Variants in NR3C2 observed in about 807,000 individuals in gnomAD.
The protein encoded by NR3C2 is mineralocorticoid receptor.
NR3C2 carries 15 observed loss-of-function variants against 86.4 expected under a neutral mutation model. That is an observed-to-expected ratio of 0.17 (90% confidence interval 0.12 to 0.27). The LOEUF is 0.27. Ranked by LOEUF, NR3C2 falls within the 10% of genes least tolerant of loss-of-function variation. The probability of loss-of-function intolerance (pLI) is 1.00; values close to 1 mark genes in which losing one functional copy is unlikely to be tolerated. For missense variants in NR3C2, 960 were observed against 1,195.6 expected, an observed-to-expected ratio of 0.80 and a Z score of 2.91; for synonymous variants, 458 against 450.5, an observed-to-expected ratio of 1.02 and a Z score of -0.21.
At chr4:148,266,759 T>C (rs1740416596) in intron 2 of NR3C2, among the ~76,000 whole-genome samples, 1 of 152,166 alleles carries the variant, frequency 6.6e-6, no homozygotes, top group African/African-American at 2.4e-5. Context: ...ACCTTGGACA[T>C]GGGCACACCA....
intron 4 of NR3C2, among the ~76,000 whole-genome samples, chr4:148,182,614 G>T (rs533194977): frequency 1.3e-5 from 2 of 152,302 alleles, no homozygotes; most frequent in East Asian, 1.9e-4. Flanking sequence ...TGTGAATTTT[G>T]TATCACATAC....
chr4:148,185,762 AT>A (rs1037889493), intron 4 of NR3C2, among the ~76,000 whole-genome samples: 9 of 151,962 alleles, frequency 5.9e-5, no homozygotes, highest in East Asian at 1.9e-4. Flanking sequence ...TTACAACCTG[AT>A]TTTTTTTGAC....
intron 6 of NR3C2, among the ~76,000 whole-genome samples, chr4:148,131,121 C>T (rs535414175): frequency 5.3e-5 from 8 of 152,224 alleles, no homozygotes; most frequent in African/African-American, 1.4e-4. Flanking sequence ...CGTGAGTCAT[C>T]GCGCCCAGCC....
chr4:148,369,809 C>A (rs137928750), intron 2 of NR3C2, among the ~76,000 whole-genome samples: 80 of 152,142 alleles, frequency 5.3e-4, no homozygotes, highest in African/African-American at 1.8e-3. Context: ...GCAGTGAAGG[C>A]GATAAAATAA....
At chr4:148,319,039 G>C (rs1215672871) in intron 2 of NR3C2, among the ~76,000 whole-genome samples, 1 of 151,830 alleles carries the variant, frequency 6.6e-6, no homozygotes, top group Non-Finnish European at 1.5e-5. Context: ...AATCAATCTT[G>C]AATTGATTTT....
At chr4:148,391,880 A>G (rs185679026) in intron 2 of NR3C2, among the ~76,000 whole-genome samples, 216 of 151,880 alleles carry the variant, frequency 1.4e-3, no homozygotes, top group African/African-American at 4.9e-3. Flanking sequence ...AAAAAAAAAA[A>G]AAGAAAGTCA....
chr4:148,362,528 C>T (rs1745890595), intron 2 of NR3C2, among the ~76,000 whole-genome samples: 1 of 152,144 alleles, frequency 6.6e-6, no homozygotes. Context: ...TTTACCTTCA[C>T]ATTGGCTGTT....
intron 6 of NR3C2, among the ~76,000 whole-genome samples, chr4:148,130,396 A>G (rs1273688888): frequency 6.6e-6 from 1 of 152,234 alleles, no homozygotes; most frequent in African/African-American, 2.4e-5. Flanking sequence ...GTAATACTGC[A>G]CTGAACTGTA....
chr4:148,109,565 C>T (rs942194327), intron 8 of NR3C2, among the ~76,000 whole-genome samples: 4 of 152,216 alleles, frequency 2.6e-5, no homozygotes, highest in Non-Finnish European at 4.4e-5. Context: ...TTCTACCTTG[C>T]ATTATGCTCC....
At chr4:148,137,670 T>C (rs570596247) in intron 6 of NR3C2, among the ~76,000 whole-genome samples, 1 of 152,326 alleles carries the variant, frequency 6.6e-6, no homozygotes, top group South Asian at 2.1e-4. Flanking sequence ...TCTAGTCCAG[T>C]GGTTCTCAAA....
At chr4:148,166,848 A>G (rs193126919) in intron 4 of NR3C2, among the ~76,000 whole-genome samples, 27 of 151,670 alleles carry the variant, frequency 1.8e-4, no homozygotes, top group Middle Eastern at 6.8e-3. Context: ...GGACTTCCGG[A>G]AATTTTAATG....
At chr4:148,283,518 C>G (rs1741354120) in intron 2 of NR3C2, among the ~76,000 whole-genome samples, 1 of 152,148 alleles carries the variant, frequency 6.6e-6, no homozygotes, top group Admixed American at 6.5e-5. Context: ...TTTAAAAACC[C>G]TGAAAGGCTC....
At chr4:148,158,038 TA>T (rs1446857169) in intron 4 of NR3C2, among the ~76,000 whole-genome samples, 2 of 152,236 alleles carry the variant, frequency 1.3e-5, no homozygotes, top group Non-Finnish European at 2.9e-5. Flanking sequence ...ATTTATAGAC[TA>T]TCTCTTTAAT....
chr4:148,442,707 G>A (rs895353722), upstream of NR3C2: 2 of 985,410 alleles, frequency 2.0e-6, no homozygotes, highest in African/African-American at 1.7e-5. Flanking sequence ...ACACAGCCTG[G>A]ACTCGGCAGC....
chr4:148,260,748 G>A (rs1429899684), intron 2 of NR3C2, among the ~76,000 whole-genome samples: 2 of 152,138 alleles, frequency 1.3e-5, no homozygotes, highest in South Asian at 2.1e-4. Context: ...ACCAAACAGG[G>A]TAAATATCTC....
At chr4:148,255,726 A>G (rs977067060) in intron 3 of NR3C2, among the ~76,000 whole-genome samples, 10 of 152,252 alleles carry the variant, frequency 6.6e-5, no homozygotes, top group African/African-American at 2.2e-4. Context: ...AGTGTGCTGA[A>G]TCTAGTCAAC....
chr4:148,162,318 T>C (rs1441037205), intron 4 of NR3C2, among the ~76,000 whole-genome samples: 1 of 152,154 alleles, frequency 6.6e-6, no homozygotes, highest in African/African-American at 2.4e-5. Context: ...GCTAGACAGA[T>C]GGTGAGCATG....
At position 148,116,782 on chromosome 4, in the gene NR3C2, C is replaced by CA. The variant is rs1385885380; in HGVS notation, c.2642-2522dup. On this transcript the variant is annotated intron_variant, in intron 7 of 8. Transcript: ENST00000358102. Reference sequence around the variant, plus strand: ...GCTAATAAATTAATTCAAGTAGCTTCAAAATGGTATCAGAATCTATTACGA... The same window carrying CA: ...GCTAATAAATTAATTCAAGTAGCTTCAAAAATGGTATCAGAATCTATTACGA... 3.9e-5 allele frequency among the ~76,000 whole-genome samples: 6 copies of CA among 151,954 alleles called. No homozygotes were observed. The South Asian group carries it at 1.3e-3, about 32-fold the overall frequency.
rs187560511 is a variant in NR3C2, at chr4:148,196,384, G to T, written c.1898-1522C>A. The stretch of plus-strand genomic sequence containing the variant: ...GGTCTGCGGTTAGGAAGAGGGCTGG[G>T]CTAGAGATGTAATCAGCTTATGTAT... On this transcript the variant is annotated intron_variant, in intron 3 of 8. Transcript: ENST00000358102. 8.5e-4 allele frequency among the ~76,000 whole-genome samples: 130 copies of T among 152,266 alleles called. 1 individual carries two copies. The highest frequency in any genetic ancestry group is 1.6e-3 in the Admixed American group (24 of 15,288).
Sources: gnomAD v4.1 joint callset for allele counts (sites outside exome capture counted in the v4.1 genomes callset) on GRCh38, gnomAD v4.1.1 for gene constraint, MANE v1.5 for transcripts, NCBI Gene and HGNC (gene_info 2026-07-23, HGNC 2026-07-21) for gene names.